Variants in ALDH1A2 observed in about 807,000 individuals in gnomAD.
The protein encoded by ALDH1A2 is aldehyde dehydrogenase 1 family member A2, also known as retinal dehydrogenase 2.
A neutral mutation model predicts 60.3 loss-of-function variants in ALDH1A2; 27 were observed. That is an observed-to-expected ratio of 0.45 (90% confidence interval 0.33 to 0.62). The LOEUF (loss-of-function observed/expected upper bound fraction) is 0.62. Among genes scored for constraint, ALDH1A2 ranks in the 20% least tolerant of loss-of-function variants. The pLI, the probability that ALDH1A2 is intolerant of heterozygous loss-of-function variation, is 0.02. For missense variants in ALDH1A2, 581 were observed against 643.8 expected (o/e 0.90, Z 1.06); for synonymous variants, 289 against 232.4 (o/e 1.24, Z -2.21).
At chr15:57,994,129 A>C (rs1294291381) in intron 5 of ALDH1A2, among the ~76,000 whole-genome samples, 1 of 152,214 alleles carries the variant, frequency 6.6e-6, no homozygotes, top group Non-Finnish European at 1.5e-5. Context: ...CAAGAAAAGT[A>C]AGTTTGAATC....
At chr15:57,965,254 G>A (rs571984766) in intron 8 of ALDH1A2, among the ~76,000 whole-genome samples, 8 of 152,298 alleles carry the variant, frequency 5.3e-5, no homozygotes, top group East Asian at 1.9e-4. Context: ...AAAGTCATGC[G>A]AGCAACAGAA....
intron 1 of ALDH1A2, among the ~76,000 whole-genome samples, chr15:58,021,934 A>G (rs1309059511): frequency 1.3e-5 from 2 of 152,196 alleles, no homozygotes; most frequent in African/African-American, 4.8e-5. Context: ...AGTTAGGTGC[A>G]GGCTACCGCC....
chr15:57,970,122 G>A (rs1294164156), intron 7 of ALDH1A2, among the ~76,000 whole-genome samples: 1 of 152,242 alleles, frequency 6.6e-6, no homozygotes, highest in Admixed American at 6.5e-5. Flanking sequence ...CACAATTCTT[G>A]TGTTTTTCTT....
intron 1 of ALDH1A2, among the ~76,000 whole-genome samples, chr15:58,056,749 A>G (rs1253687352): frequency 1.3e-5 from 2 of 152,198 alleles, no homozygotes; most frequent in African/African-American, 4.8e-5. Flanking sequence ...TAAATTAGCC[A>G]AAGGAGGAAA....
At chr15:57,965,615 T>A in intron 8 of ALDH1A2, 110 bp downstream of exon 8, 1 of 873,630 alleles carries the variant, frequency 1.1e-6, no homozygotes, top group Non-Finnish European at 2.0e-6. Context: ...TCTTTTTGAT[T>A]GCCCTTAGCT....
At chr15:58,013,337 T>A (rs1476130094) in intron 3 of ALDH1A2, among the ~76,000 whole-genome samples, 1 of 152,168 alleles carries the variant, frequency 6.6e-6, no homozygotes, top group African/African-American at 2.4e-5. Flanking sequence ...TAATTTGTCA[T>A]GGGGAGGGGG....
intron 1 of ALDH1A2, among the ~76,000 whole-genome samples, chr15:58,054,165 G>T (rs183013221): frequency 4.6e-5 from 7 of 152,008 alleles, no homozygotes; most frequent in African/African-American, 1.7e-4. Context: ...GAGTCTAAAC[G>T]AGAAATAAGA....
At chr15:58,006,439 A>G (rs1404478099) in intron 4 of ALDH1A2, among the ~76,000 whole-genome samples, 1 of 151,896 alleles carries the variant, frequency 6.6e-6, no homozygotes, top group Admixed American at 6.6e-5. Flanking sequence ...GGTTGGTACC[A>G]TATTTTTGCA....
At chr15:57,981,194 T>C (rs1369408643) in intron 7 of ALDH1A2, among the ~76,000 whole-genome samples, 2 of 152,072 alleles carry the variant, frequency 1.3e-5, no homozygotes, top group Non-Finnish European at 2.9e-5. Flanking sequence ...ATTCTAAATC[T>C]AGTACACTAT....
intron 1 of ALDH1A2, among the ~76,000 whole-genome samples, chr15:58,040,128 G>A (rs1896481664): frequency 6.6e-6 from 1 of 151,794 alleles, no homozygotes; most frequent in African/African-American, 2.4e-5. Flanking sequence ...TATCAGAGAG[G>A]CAATTTGTGT....
At chr15:58,028,331 T>C (rs1381949166) in intron 1 of ALDH1A2, among the ~76,000 whole-genome samples, 1 of 152,106 alleles carries the variant, frequency 6.6e-6, no homozygotes, top group East Asian at 1.9e-4. Flanking sequence ...AATAAAATCC[T>C]TCACAAACAA....
At chr15:58,020,562 C>T (rs764227448) in intron 1 of ALDH1A2, among the ~76,000 whole-genome samples, 6 of 152,144 alleles carry the variant, frequency 3.9e-5, no homozygotes, top group African/African-American at 7.2e-5. Flanking sequence ...ACCATGAACA[C>T]ATCATTCAAG....
In ALDH1A2 at chr15:58,029,044, G is replaced by C. The variant is rs114565569; in HGVS notation, c.118-14763C>G. 8.0e-3 allele frequency among the ~76,000 whole-genome samples: 1,222 copies of C among 152,108 alleles called. 20 individuals carry two copies. The highest frequency in any genetic ancestry group is 0.027 in the African/African-American group (1,112 of 41,510). ...GGACTTGAACTCAGCACTGAACCAA[G>C]TGGACCAAGTCTATTAAGACTCTCT... On this transcript the variant is annotated intron_variant, in intron 1 of 12. Coordinates refer to ENST00000249750, the MANE Select transcript of ALDH1A2 (RefSeq NM_003888.4).
In ALDH1A2 at chr15:57,981,289, A is replaced by AACACACACACACAC. The variant is rs775138747; in HGVS notation, c.798+11402_798+11415dup. 9.9e-4 allele frequency among the ~76,000 whole-genome samples: 141 copies of AACACACACACACAC among 142,122 alleles called. 1 individual carries two copies. Among genetic ancestry groups the AACACACACACACAC allele is most frequent in the East Asian group, 5.8e-3 (28 of 4,804 alleles). The allele number at this position is 142,122 out of a possible 152,430, so 93.2% of individuals were successfully genotyped here. On this transcript the variant is annotated intron_variant, in intron 7 of 12. Transcript: ENST00000249750. ...TTCCAAGAAGTGAAATAGAAGAGCA[A>AACACACACACACAC]ACACACACACACACACACACACACA...
chr15:57,999,407 A>G lies in ALDH1A2; in HGVS notation c.494-4268T>C, dbSNP rs185399351. Among the ~76,000 whole-genome samples, 642 of 152,236 alleles carry G rather than the reference A, an allele frequency of 4.2e-3. 6 individuals carry two copies. The highest frequency in any genetic ancestry group is 0.015 in the African/African-American group (622 of 41,546). On this transcript the variant is annotated intron_variant, in intron 4 of 12. Transcript: ENST00000249750. ...ACATGAACAGACACTTCTCAAAAGA[A>G]GACAGTCACGCAGCCAAAAAACATG...
chr15:57,982,754 T>C (rs1894558574), intron 7 of ALDH1A2, among the ~76,000 whole-genome samples: 1 of 152,220 alleles, frequency 6.6e-6, no homozygotes, highest in African/African-American at 2.4e-5. Context: ...ATCTGAAGTG[T>C]AAAAAGATGA....
At chr15:58,032,940 C>G (rs956709596) in intron 1 of ALDH1A2, among the ~76,000 whole-genome samples, 1 of 151,974 alleles carries the variant, frequency 6.6e-6, no homozygotes, top group South Asian at 2.1e-4. Context: ...ACAAATATTG[C>G]ATGTTCTCAT....
At chr15:58,030,953 T>C (rs1195426419) in intron 1 of ALDH1A2, among the ~76,000 whole-genome samples, 2 of 152,154 alleles carry the variant, frequency 1.3e-5, no homozygotes, top group Non-Finnish European at 2.9e-5. Context: ...ATGGCCATAC[T>C]GCCCAAGGTA....
intron 12 of ALDH1A2, among the ~76,000 whole-genome samples, chr15:57,958,133 T>G (rs1253700201): frequency 6.6e-6 from 1 of 152,060 alleles, no homozygotes; most frequent in Non-Finnish European, 1.5e-5. Context: ...TCTCTGAGAG[T>G]GGGTCCCTAG....
Sources: gnomAD v4.1 joint callset for allele counts (sites outside exome capture counted in the v4.1 genomes callset) on GRCh38, gnomAD v4.1.1 for gene constraint, MANE v1.5 for transcripts, NCBI Gene and HGNC (gene_info 2026-07-23, HGNC 2026-07-21) for gene names.